CACNA2D3: variants seen among roughly 807,000 people sequenced by gnomAD.
CACNA2D3 encodes voltage-dependent calcium channel subunit alpha-2/delta-3.
In CACNA2D3, 60 loss-of-function variants were observed where a neutral mutation model predicts 160.6. The ratio of observed to expected loss-of-function variants is 0.37; its 90% CI spans 0.30 to 0.46. The LOEUF is 0.46. Among genes scored for constraint, CACNA2D3 ranks in the 20% least tolerant of loss-of-function variants. CACNA2D3 has a pLI of 1.00. For synonymous variants in CACNA2D3, 558 were observed against 492.9 expected, an observed-to-expected ratio of 1.13 and a Z score of -1.75; for missense variants, 1,205 against 1,365.0, an observed-to-expected ratio of 0.88 and a Z score of 1.85.
chr3:54,673,112 A>T (rs946790032), intron 11 of CACNA2D3, among the ~76,000 whole-genome samples: 1 of 152,220 alleles, frequency 6.6e-6, no homozygotes, highest in African/African-American at 2.4e-5. Flanking sequence ...AGATGGAATC[A>T]AGGGTGATGC....
At chr3:54,275,022 G>A (rs1302696599) in intron 2 of CACNA2D3, among the ~76,000 whole-genome samples, 8 of 152,192 alleles carry the variant, frequency 5.3e-5, no homozygotes, top group African/African-American at 1.9e-4. Flanking sequence ...CAGGAGGCAG[G>A]GACCACTGGG....
intron 16 of CACNA2D3, among the ~76,000 whole-genome samples, chr3:54,842,962 C>A (rs1051699647): frequency 2.0e-5 from 3 of 149,002 alleles, no homozygotes; most frequent in African/African-American, 4.9e-5. Flanking sequence ...GGTTGAGAGG[C>A]GGAAAAGTGA....
intron 29 of CACNA2D3, among the ~76,000 whole-genome samples, chr3:54,970,340 C>T (rs1341543971): frequency 1.3e-5 from 2 of 152,000 alleles, no homozygotes; most frequent in Non-Finnish European, 2.9e-5. Context: ...CAAAATGTTT[C>T]TTTGTAGCAT....
At chr3:54,886,835 C>T (rs997671469) in intron 23 of CACNA2D3, among the ~76,000 whole-genome samples, 33 of 151,266 alleles carry the variant, frequency 2.2e-4, no homozygotes, top group Admixed American at 2.6e-4. Context: ...TTAGCTTTAA[C>T]GCATTTATTT....
At chr3:54,822,778 C>CTT (rs879763620) in intron 14 of CACNA2D3, among the ~76,000 whole-genome samples, 3 of 81,346 alleles carry the variant, frequency 3.7e-5, no homozygotes, top group African/African-American at 1.6e-4. Context: ...TTCTTTCTTT[C>CTT]TTTCTTTCTT....
At chr3:54,787,139 A>AT (rs1043431797) in intron 13 of CACNA2D3, among the ~76,000 whole-genome samples, 2 of 152,186 alleles carry the variant, frequency 1.3e-5, no homozygotes, top group Non-Finnish European at 2.9e-5. Context: ...TTCAGTACTC[A>AT]TAACGCGTTT....
intron 2 of CACNA2D3, among the ~76,000 whole-genome samples, chr3:54,148,169 A>G (rs571960086): frequency 2.0e-5 from 3 of 152,332 alleles, no homozygotes; most frequent in South Asian, 2.1e-4. Flanking sequence ...ACGGGCTCTT[A>G]GCTCCAGATG....
chr3:54,963,430 A>C (rs1208036222), intron 27 of CACNA2D3, among the ~76,000 whole-genome samples: 1 of 152,218 alleles, frequency 6.6e-6, no homozygotes, highest in Non-Finnish European at 1.5e-5. Flanking sequence ...ATGGTCCAGT[A>C]CCGTAGCCTC....
intron 3 of CACNA2D3, among the ~76,000 whole-genome samples, chr3:54,353,916 G>T (rs1219239858): frequency 6.6e-6 from 1 of 152,196 alleles, no homozygotes; most frequent in Non-Finnish European, 1.5e-5. Context: ...CCGTTTAGAA[G>T]TTCTTCCTGG....
intron 11 of CACNA2D3, among the ~76,000 whole-genome samples, chr3:54,681,137 GAC>G (rs1700340272): frequency 6.6e-6 from 1 of 151,498 alleles, no homozygotes; most frequent in Non-Finnish European, 1.5e-5. Context: ...GAGAGAGAGA[GAC>G]AGAGAGAGAA....
At chr3:54,140,786 C>A (rs1028539026) in intron 2 of CACNA2D3, among the ~76,000 whole-genome samples, 2 of 152,182 alleles carry the variant, frequency 1.3e-5, no homozygotes, top group Admixed American at 6.5e-5. Context: ...TGGTCCTGGG[C>A]TCTCAGTTGC....
chr3:54,343,737 C>G (rs879259816), intron 3 of CACNA2D3, among the ~76,000 whole-genome samples: 16 of 152,154 alleles, frequency 1.1e-4, no homozygotes, highest in Non-Finnish European at 1.6e-4. Context: ...CCCTCTACCC[C>G]CCACAGCCCA....
chr3:54,290,141 A>T (rs201316468), intron 2 of CACNA2D3, among the ~76,000 whole-genome samples: 2,134 of 152,172 alleles, frequency 0.014, 41 homozygotes, highest in East Asian at 0.062. Context: ...ATGGGAGAAA[A>T]TTTTCGCAAC....
chr3:54,138,413 G>A (rs1309247593), intron 2 of CACNA2D3, among the ~76,000 whole-genome samples: 1 of 152,186 alleles, frequency 6.6e-6, no homozygotes, highest in Non-Finnish European at 1.5e-5. Context: ...GGTCCTCGGA[G>A]CATCTGGTAT....
At chr3:54,180,554 AG>A (rs1180724658) in intron 2 of CACNA2D3, among the ~76,000 whole-genome samples, 1 of 152,220 alleles carries the variant, frequency 6.6e-6, no homozygotes, top group Non-Finnish European at 1.5e-5. Context: ...CCTTAGTCCA[AG>A]GAGGCCCAGA....
At chr3:54,258,297 A>G (rs529368316) in intron 2 of CACNA2D3, among the ~76,000 whole-genome samples, 13 of 152,330 alleles carry the variant, frequency 8.5e-5, no homozygotes, top group Non-Finnish European at 1.0e-4. Flanking sequence ...TCCAACCAGT[A>G]TTTATTGAGT....
chr3:54,440,045 C>T (rs1700119363), intron 4 of CACNA2D3, among the ~76,000 whole-genome samples: 1 of 152,158 alleles, frequency 6.6e-6, no homozygotes, highest in African/African-American at 2.4e-5. Flanking sequence ...CATCCCAGCA[C>T]CCAGCAGGGC....
intron 31 of CACNA2D3, among the ~76,000 whole-genome samples, chr3:54,991,929 A>G (rs887841888): frequency 6.7e-6 from 1 of 148,582 alleles, no homozygotes; most frequent in Non-Finnish European, 1.5e-5. Flanking sequence ...AGTTCTTCTT[A>G]TTTTCCAATT....
At chr3:54,802,416 C>T (rs1463883640) in intron 13 of CACNA2D3, among the ~76,000 whole-genome samples, 2 of 152,064 alleles carry the variant, frequency 1.3e-5, no homozygotes, top group African/African-American at 4.8e-5. Flanking sequence ...ATATGATGTC[C>T]CATGTGTTTG....
Sources: allele counts gnomAD v4.1 joint callset (sites outside exome capture counted in the v4.1 genomes callset), GRCh38; gene constraint gnomAD v4.1.1; transcripts MANE v1.5; gene names NCBI Gene and HGNC (gene_info 2026-07-23, HGNC 2026-07-21).